The following PTPRN2 variants were observed in gnomAD, a reference collection of about 807,000 sequenced individuals.
PTPRN2 encodes the protein protein tyrosine phosphatase receptor type N2.
A neutral mutation model predicts 118.8 loss-of-function variants in PTPRN2; 74 were observed. The ratio of observed to expected loss-of-function variants is 0.62; its 90% CI spans 0.52 to 0.76. The LOEUF (loss-of-function observed/expected upper bound fraction) is 0.76. PTPRN2 is among the 30% of genes least tolerant of loss of function. The pLI is 0.00. For synonymous variants in PTPRN2, 641 were observed against 608.0 expected (o/e 1.05, Z -0.80); for missense variants, 1,481 against 1,394.4 (o/e 1.06, Z -0.99).
intron 2 of PTPRN2, among the ~76,000 whole-genome samples, chr7:158,412,364 C>T (rs1814199962): frequency 9.0e-6 from 1 of 111,608 alleles, no homozygotes; most frequent in Non-Finnish European, 1.8e-5. Flanking sequence ...CACCAGGGCC[C>T]ATCTCAGCAC....
At chr7:158,340,310 A>T (rs1359264051) in intron 2 of PTPRN2, among the ~76,000 whole-genome samples, 1 of 95,460 alleles carries the variant, frequency 1.0e-5, no homozygotes, top group African/African-American at 3.8e-5. Flanking sequence ...AGGAGCTGAC[A>T]CCCACAGACA....
intron 12 of PTPRN2, among the ~76,000 whole-genome samples, chr7:157,744,791 C>T (rs1226287168): frequency 1.3e-5 from 2 of 152,142 alleles, no homozygotes; most frequent in Non-Finnish European, 2.9e-5. Context: ...CCCCACTGTC[C>T]TCATCACTCA....
intron 2 of PTPRN2, among the ~76,000 whole-genome samples, chr7:158,332,151 C>G (rs1293212373): frequency 6.7e-6 from 1 of 149,442 alleles, no homozygotes; most frequent in Non-Finnish European, 1.5e-5. Flanking sequence ...AGAGCCGACA[C>G]CTGCAGATGT....
rs532039002 is a variant in PTPRN2 at position 157,752,329 on chromosome 7, C to T, written c.1789-69392G>A. On this transcript the variant is annotated intron_variant, in intron 12 of 22. Coordinates refer to ENST00000389418, the MANE Select transcript of PTPRN2 (RefSeq NM_002847.5). ...ACCTGACTTTGCATCCCAGGGAAGGCACAGCCACAGCTTCCCATCCTCTGA... is the reference window on the plus strand; with the variant it reads ...ACCTGACTTTGCATCCCAGGGAAGGTACAGCCACAGCTTCCCATCCTCTGA... 5.9e-5 allele frequency among the ~76,000 whole-genome samples: 9 copies of T among 152,340 alleles called. No individual in the cohort carries two copies. In the East Asian group the frequency reaches 1.7e-3, roughly 29 times the overall value.
intron 3 of PTPRN2, among the ~76,000 whole-genome samples, chr7:158,296,064 C>A (rs1181001354): frequency 6.6e-6 from 1 of 152,188 alleles, no homozygotes; most frequent in African/African-American, 2.4e-5. Flanking sequence ...AAGGGCTCTA[C>A]CCCTGGACCT....
chr7:157,816,730 G>A (rs1407114609), intron 12 of PTPRN2, among the ~76,000 whole-genome samples: 3 of 152,166 alleles, frequency 2.0e-5, no homozygotes, highest in Admixed American at 6.5e-5. Flanking sequence ...CGGGTGGTGC[G>A]AGACTCTGCC....
intron 2 of PTPRN2, among the ~76,000 whole-genome samples, chr7:158,410,338 T>C (rs1813943116): frequency 1.3e-5 from 2 of 152,178 alleles, no homozygotes; most frequent in South Asian, 4.2e-4. Context: ...GGACACAGAA[T>C]GAGGTCACGA....
intron 11 of PTPRN2, among the ~76,000 whole-genome samples, chr7:158,034,055 C>A (rs1466324488): frequency 7.0e-6 from 1 of 142,434 alleles, no homozygotes; most frequent in African/African-American, 2.7e-5. Flanking sequence ...ACACTGAGAC[C>A]CCATTAAAAA....
chr7:158,265,606 C>T (rs1191935205), intron 3 of PTPRN2, among the ~76,000 whole-genome samples: 3 of 152,218 alleles, frequency 2.0e-5, no homozygotes, highest in Non-Finnish European at 4.4e-5. Context: ...AAGGGATCAC[C>T]TGGTGCCATC....
intron 11 of PTPRN2, among the ~76,000 whole-genome samples, chr7:157,981,849 AAGC>A (rs1445282453): frequency 3.3e-5 from 5 of 152,278 alleles, no homozygotes; most frequent in South Asian, 2.1e-4. Context: ...GGGCTTTGCA[AAGC>A]AGCAGTTCTC....
At chr7:157,887,095 T>C (rs1293089415) in intron 12 of PTPRN2, among the ~76,000 whole-genome samples, 1 of 151,502 alleles carries the variant, frequency 6.6e-6, no homozygotes, top group Admixed American at 6.6e-5. Flanking sequence ...CTGGGGCATT[T>C]GAGGTCCTCA....
chr7:158,494,773 T>C (rs961124617), intron 1 of PTPRN2, among the ~76,000 whole-genome samples: 21 of 152,124 alleles, frequency 1.4e-4, no homozygotes, highest in Non-Finnish European at 1.5e-4. Flanking sequence ...GTTGGGGAAG[T>C]TGCTGAACCT....
intron 9 of PTPRN2, among the ~76,000 whole-genome samples, chr7:158,123,918 A>C (rs1281157988): frequency 1.3e-5 from 2 of 151,282 alleles, no homozygotes; most frequent in Admixed American, 1.3e-4. Flanking sequence ...AGGCTCTCTA[A>C]CCTGATTTGA....
chr7:158,267,572 G>A (rs189959961), intron 3 of PTPRN2, among the ~76,000 whole-genome samples: 91 of 152,260 alleles, frequency 6.0e-4, no homozygotes, highest in African/African-American at 9.9e-4. Flanking sequence ...ACCCTTACAC[G>A]GGGGTGACTG....
chr7:157,927,406 G>A (rs373002922), intron 11 of PTPRN2, among the ~76,000 whole-genome samples: 2 of 114,698 alleles, frequency 1.7e-5, no homozygotes, highest in Admixed American at 9.3e-5. Context: ...CCAGGGACCC[G>A]TCTGAGAGCA....
At chr7:158,421,462 T>G (rs947519042) in intron 2 of PTPRN2, among the ~76,000 whole-genome samples, 2 of 152,254 alleles carry the variant, frequency 1.3e-5, no homozygotes, top group Non-Finnish European at 2.9e-5. Flanking sequence ...TTTTGCCATA[T>G]TTTCCTCTTT....
chr7:158,562,968 G>A (rs1263605372), intron 1 of PTPRN2, among the ~76,000 whole-genome samples: 1 of 152,234 alleles, frequency 6.6e-6, no homozygotes, highest in Non-Finnish European at 1.5e-5. Flanking sequence ...CAGAGGCCGA[G>A]AGCGGAGTGT....
At chr7:158,058,800 A>C (rs1463314666) in intron 11 of PTPRN2, among the ~76,000 whole-genome samples, 51 of 76,166 alleles carry the variant, frequency 6.7e-4, no homozygotes, top group African/African-American at 1.1e-3. Context: ...CTCCATCTGC[A>C]CACAGTGACG....
chr7:158,337,686 C>CCCACCCACACTCTCACCATAATTGGTG (rs1805944103), intron 2 of PTPRN2, among the ~76,000 whole-genome samples: 1 of 150,782 alleles, frequency 6.6e-6, no homozygotes, highest in African/African-American at 2.4e-5. Context: ...AGACGTCACT[C>CCCACCCACACTCTCACCATAATTGGTG]ACACCCACAC....
Sources: gnomAD v4.1 joint callset for allele counts (sites outside exome capture counted in the v4.1 genomes callset) on GRCh38, gnomAD v4.1.1 for gene constraint, MANE v1.5 for transcripts, NCBI Gene and HGNC (gene_info 2026-07-23, HGNC 2026-07-21) for gene names.